TTC7A: variants seen among roughly 807,000 people sequenced by gnomAD.
TTC7A encodes the protein tetratricopeptide repeat protein 7A.
In TTC7A, 110 loss-of-function variants were observed where a neutral mutation model predicts 103.7. That is an observed-to-expected ratio of 1.06 (90% confidence interval 0.91 to 1.24). The LOEUF is 1.24. TTC7A is among the 50% of genes most tolerant of loss of function. The pLI is 0.00. For synonymous variants in TTC7A, 521 were observed against 467.9 expected, an observed-to-expected ratio of 1.11 and a Z score of -1.47; for missense variants, 1,340 against 1,116.3, an observed-to-expected ratio of 1.20 and a Z score of -2.86.
chr2:47,049,233 G>A (rs1055379131), intron 16 of TTC7A, among the ~76,000 whole-genome samples: 3 of 152,076 alleles, frequency 2.0e-5, no homozygotes, highest in South Asian at 4.1e-4. Context: ...GGGCTTCCTC[G>A]GCAGTGGGAA....
chr2:46,925,145 G>C (rs1033719369), intron 2 of TTC7A, among the ~76,000 whole-genome samples: 1 of 152,120 alleles, frequency 6.6e-6, no homozygotes, highest in Non-Finnish European at 1.5e-5. Context: ...AGTGATGGGG[G>C]TTGTCTGGCT....
chr2:47,006,963 G>C (rs1243623378), intron 10 of TTC7A, among the ~76,000 whole-genome samples: 4 of 152,206 alleles, frequency 2.6e-5, no homozygotes, highest in African/African-American at 7.2e-5. Flanking sequence ...TTTTCTCTGA[G>C]CGTGCGTACA....
chr2:46,940,332 C>A (rs925229225), upstream of TTC7A, among the ~76,000 whole-genome samples: 1 of 152,134 alleles, frequency 6.6e-6, no homozygotes, highest in Non-Finnish European at 1.5e-5. The surrounding 1 kb of genome is among the most constrained non-coding windows in gnomAD (Gnocchi z 4.7). Context: ...ACTTAAATGC[C>A]GGTGGTTTTT....
intron 12 of TTC7A, among the ~76,000 whole-genome samples, chr2:47,022,419 G>T (rs868177344): frequency 6.6e-6 from 1 of 152,110 alleles, no homozygotes. Context: ...CCCTCAATAC[G>T]TGGCATAGGG....
intron 6 of TTC7A, 87 bp from the exon 7 acceptor site, chr2:46,994,270 T>G: frequency 2.0e-6 from 3 of 1,481,012 alleles, no homozygotes; most frequent in Non-Finnish European, 2.7e-6. Context: ...GGGGCAGATT[T>G]AGCTGGGATG....
intron 3 of TTC7A, chr2:46,974,564 G>A: frequency 2.3e-6 from 1 of 430,102 alleles, no homozygotes; most frequent in South Asian, 1.7e-5. Context: ...TCTGGTGAAG[G>A]GAAGGTAAAG....
chr2:47,072,302 G>C (rs567028913), intron 19 of TTC7A, among the ~76,000 whole-genome samples: 9 of 152,286 alleles, frequency 5.9e-5, no homozygotes, highest in South Asian at 2.1e-4. Flanking sequence ...TCCTTGCTAC[G>C]GCTTTGCCCA....
chr2:46,922,818 A>G (rs1483058604), intron 2 of TTC7A, among the ~76,000 whole-genome samples: 2 of 152,108 alleles, frequency 1.3e-5, no homozygotes, highest in African/African-American at 2.4e-5. Flanking sequence ...ATTCAATTCA[A>G]TTCTGATGCC....
At chr2:46,960,095 G>A (rs1322841003) in intron 3 of TTC7A, among the ~76,000 whole-genome samples, 1 of 152,158 alleles carries the variant, frequency 6.6e-6, no homozygotes, top group African/African-American at 2.4e-5. Flanking sequence ...TGCTCAGACT[G>A]ACCAGGTCCA....
At chr2:46,937,365 G>A (rs1026725920), upstream of TTC7A, among the ~76,000 whole-genome samples, 26 of 151,624 alleles carry the variant, frequency 1.7e-4, no homozygotes, top group African/African-American at 6.1e-4. This position sits in a 1 kb window ranked among gnomAD's most constrained non-coding sequence, Gnocchi z 4.0. Context: ...ATACCCCAAA[G>A]CTCACTTAAC....
At chr2:46,969,013 C>G (rs1475703158) in intron 3 of TTC7A, among the ~76,000 whole-genome samples, 1 of 151,706 alleles carries the variant, frequency 6.6e-6, no homozygotes, top group African/African-American at 2.4e-5. Context: ...AATTGATCCC[C>G]TGCCTCAGCT....
chr2:46,979,471 TG>T (rs1674221700), intron 5 of TTC7A, among the ~76,000 whole-genome samples: 2 of 152,278 alleles, frequency 1.3e-5, no homozygotes, highest in East Asian at 3.9e-4. Context: ...TGTTTTCCTG[TG>T]GGTTGTCTTG....
chr2:47,022,230 A>G (rs1425035918), intron 12 of TTC7A, among the ~76,000 whole-genome samples: 3 of 151,672 alleles, frequency 2.0e-5, no homozygotes, highest in Non-Finnish European at 4.4e-5. Context: ...TCCCCTCTTC[A>G]TGGGCCTCAA....
chr2:46,987,929 C>A (rs1357339847), intron 5 of TTC7A, among the ~76,000 whole-genome samples: 2 of 151,986 alleles, frequency 1.3e-5, no homozygotes, highest in African/African-American at 2.4e-5. Context: ...TTTGGTGTGA[C>A]CCCCATGAGG....
chr2:47,044,250 C>T (rs1471498239), intron 15 of TTC7A, among the ~76,000 whole-genome samples: 1 of 152,238 alleles, frequency 6.6e-6, no homozygotes, highest in Non-Finnish European at 1.5e-5. Flanking sequence ...TTCCCCTGTA[C>T]TGAGTCTGAT....
chr2:46,966,660 CTTT>C (rs759580571), intron 3 of TTC7A, among the ~76,000 whole-genome samples: 10 of 135,288 alleles, frequency 7.4e-5, no homozygotes, highest in Non-Finnish European at 6.4e-5. Flanking sequence ...GTATACATCA[CTTT>C]TTTTTTTTTT....
At chr2:47,049,647 G>C (rs1297907649) in intron 16 of TTC7A, among the ~76,000 whole-genome samples, 2 of 152,110 alleles carry the variant, frequency 1.3e-5, no homozygotes, top group African/African-American at 4.8e-5. Flanking sequence ...GCTGGATGTT[G>C]CTCCCCCTGG....
chr2:46,953,447 G>A (rs1671576011), intron 2 of TTC7A, among the ~76,000 whole-genome samples: 1 of 152,116 alleles, frequency 6.6e-6, no homozygotes, highest in Non-Finnish European at 1.5e-5. Flanking sequence ...GAGCCACCAT[G>A]CCCGGCCATC....
At chr2:47,061,758 A>G (rs185808834) in intron 19 of TTC7A, among the ~76,000 whole-genome samples, 109 of 152,344 alleles carry the variant, frequency 7.2e-4, no homozygotes, top group Middle Eastern at 3.4e-3. Context: ...CAGGTGATAT[A>G]CTAGACCCTA....
Sources: gnomAD v4.1 joint callset for allele counts (sites outside exome capture counted in the v4.1 genomes callset) on GRCh38, gnomAD v4.1.1 for gene constraint, Gnocchi (gnomAD v3.1) non-coding constraint, MANE v1.5 for transcripts, NCBI Gene and HGNC (gene_info 2026-07-23, HGNC 2026-07-21) for gene names.